FSTL4: variants seen among roughly 807,000 people sequenced by gnomAD.
FSTL4 encodes the protein follistatin like 4.
A neutral mutation model predicts 78.2 loss-of-function variants in FSTL4; 28 were observed. The ratio of observed to expected loss-of-function variants is 0.36; its 90% CI spans 0.27 to 0.49. The LOEUF (loss-of-function observed/expected upper bound fraction) is 0.49, where lower values mean the gene tolerates loss of function less well. Ranked by LOEUF, FSTL4 falls within the 20% of genes least tolerant of loss-of-function variation. The pLI, the probability that FSTL4 is intolerant of heterozygous loss-of-function variation, is 0.98. For synonymous variants in FSTL4, 422 were observed against 440.5 expected (o/e 0.96, Z 0.53); for missense variants, 922 against 1,084.9 (o/e 0.85, Z 2.11).
chr5:133,841,690 A>T, the FSTL4 span, among the ~76,000 whole-genome samples: 1 of 152,186 alleles, frequency 6.6e-6, no homozygotes, highest in East Asian at 1.9e-4. Flanking sequence ...AACACACAGC[A>T]CAGGGCCAGC....
At chr5:133,707,559 G>A in the FSTL4 span, among the ~76,000 whole-genome samples, 1 of 152,200 alleles carries the variant, frequency 6.6e-6, no homozygotes, top group Non-Finnish European at 1.5e-5. Context: ...CAGGAGCCTG[G>A]AGCCCAGAGC....
intron 2 of FSTL4, among the ~76,000 whole-genome samples, chr5:133,570,059 A>T (rs256327): frequency 0.41 from 61,844 of 151,198 alleles, 12,795 homozygotes; most frequent in African/African-American, 0.46. Context: ...AATACAAAAA[A>T]TTAGCCGGGC....
chr5:133,344,968 C>CT (rs751778816), intron 4 of FSTL4, among the ~76,000 whole-genome samples: 3,475 of 134,224 alleles, frequency 0.026, 74 homozygotes, highest in Middle Eastern at 0.053. Context: ...CATGCCCCCA[C>CT]TTTTTTTTTT....
At chr5:133,401,056 G>C in intron 3 of FSTL4, 70 bp from the exon 4 acceptor site, 1 of 1,558,300 alleles carries the variant, frequency 6.4e-7, no homozygotes, top group Non-Finnish European at 8.8e-7. Flanking sequence ...GGCTTCCTTT[G>C]TAGCTCACAA....
At chr5:133,212,872 A>G (rs904660780) in intron 13 of FSTL4, among the ~76,000 whole-genome samples, 10 of 152,250 alleles carry the variant, frequency 6.6e-5, no homozygotes, top group Non-Finnish European at 1.2e-4. Context: ...AAGTAGAGAA[A>G]AATGATACAG....
intron 3 of FSTL4, among the ~76,000 whole-genome samples, chr5:133,524,990 C>T (rs924523447): frequency 6.6e-6 from 1 of 152,186 alleles, no homozygotes; most frequent in Non-Finnish European, 1.5e-5. Context: ...ACACATGCAC[C>T]ACTAACTTCA....
chr5:133,375,313 A>ATATATATATATATATATATATAT lies in FSTL4; in HGVS notation c.409+25424_409+25425insATATATATATATATATATATATA, dbSNP rs1354744825. 8.1e-4 allele frequency among the ~76,000 whole-genome samples: 25 copies of ATATATATATATATATATATATAT among 31,052 alleles called. 1 individual carries two copies. The highest frequency in any genetic ancestry group is 2.1e-3 in the Non-Finnish European group (18 of 8,460). 20.4% of individuals were successfully genotyped at this position (31,052 alleles called of 152,430 possible). On this transcript the variant is annotated intron_variant, in intron 4 of 15. Transcript: ENST00000265342. ...TGGCATATATATATATATATATATA[A>ATATATATATATATATATATATAT]AAGACTCTAAAGTTACATACCAAAA...
chr5:133,604,072 C>T, intron 1 of FSTL4, 79 bp from the exon 2 acceptor site: 2 of 1,038,066 alleles, frequency 1.9e-6, no homozygotes, highest in Non-Finnish European at 3.0e-6. Context: ...AGTATGTGTT[C>T]CCCAGAATCA....
At chr5:133,700,644 C>T in the FSTL4 span, among the ~76,000 whole-genome samples, 1 of 152,350 alleles carries the variant, frequency 6.6e-6, no homozygotes, top group East Asian at 1.9e-4. Context: ...CTGCAAACAG[C>T]CCCCAAGGGG....
chr5:133,560,965 T>C (rs930211570), intron 3 of FSTL4, among the ~76,000 whole-genome samples: 1 of 151,368 alleles, frequency 6.6e-6, no homozygotes, highest in African/African-American at 2.4e-5. Flanking sequence ...GGTGGGCACA[T>C]GTAGTCCCAG....
intron 3 of FSTL4, among the ~76,000 whole-genome samples, chr5:133,526,166 C>T (rs1381436581): frequency 2.6e-5 from 4 of 152,172 alleles, no homozygotes; most frequent in African/African-American, 9.7e-5. Context: ...ATTGGACATA[C>T]TAAATGCCAT....
At chr5:133,311,434 G>A (rs1187448546) in intron 6 of FSTL4, among the ~76,000 whole-genome samples, 1 of 152,114 alleles carries the variant, frequency 6.6e-6, no homozygotes, top group African/African-American at 2.4e-5. Context: ...GATATGAACT[G>A]GAAAGGCCCC....
intron 14 of FSTL4, among the ~76,000 whole-genome samples, chr5:133,206,135 A>G (rs1750493823): frequency 6.6e-6 from 1 of 152,202 alleles, no homozygotes; most frequent in Non-Finnish European, 1.5e-5. Flanking sequence ...TTCACCCTAT[A>G]GTCTTGGGAT....
chr5:133,408,583 C>T (rs956212055), intron 3 of FSTL4, among the ~76,000 whole-genome samples: 3 of 7,756 alleles, frequency 3.9e-4, no homozygotes, highest in South Asian at 4.2e-3. Flanking sequence ...GGAGCGGGGG[C>T]GGGGTGGGGT....
chr5:133,818,010 G>A, the FSTL4 span, among the ~76,000 whole-genome samples: 7 of 152,228 alleles, frequency 4.6e-5, no homozygotes, highest in Non-Finnish European at 8.8e-5. Flanking sequence ...TCCTAAGCCA[G>A]GGAACTGGGA....
At chr5:133,276,678 C>T (rs1402711432) in intron 6 of FSTL4, among the ~76,000 whole-genome samples, 1 of 152,200 alleles carries the variant, frequency 6.6e-6, no homozygotes, top group African/African-American at 2.4e-5. Flanking sequence ...GCATCAATAT[C>T]TTGTTACTCT....
chr5:133,227,869 A>G (rs562723110), intron 8 of FSTL4, among the ~76,000 whole-genome samples: 3 of 152,364 alleles, frequency 2.0e-5, no homozygotes, highest in East Asian at 3.9e-4. Flanking sequence ...ATTAAAAAAT[A>G]TGAGAATGCT....
At chr5:133,706,809 G>A in the FSTL4 span, among the ~76,000 whole-genome samples, 6 of 152,032 alleles carry the variant, frequency 3.9e-5, no homozygotes, top group Non-Finnish European at 7.4e-5. Context: ...TTTGGAAACC[G>A]TGCAATACTG....
At chr5:133,228,162 G>A (rs577033496) in intron 8 of FSTL4, among the ~76,000 whole-genome samples, 6 of 152,286 alleles carry the variant, frequency 3.9e-5, no homozygotes, top group East Asian at 1.9e-4. Flanking sequence ...GGAAGGTTGA[G>A]GCTGTAGTGA....
Sources: allele counts gnomAD v4.1 joint callset (sites outside exome capture counted in the v4.1 genomes callset), GRCh38; gene constraint gnomAD v4.1.1; transcripts MANE v1.5; gene names NCBI Gene and HGNC (gene_info 2026-07-23, HGNC 2026-07-21).